Variants in INTS10 observed in about 807,000 individuals in gnomAD.
INTS10 encodes chromosome 8 open reading frame 35.
Under a neutral mutation model 94.4 loss-of-function variants are expected in INTS10, and 44 were observed. That is an observed-to-expected ratio of 0.47 (90% CI 0.37 to 0.60). The LOEUF (loss-of-function observed/expected upper bound fraction) is 0.60, where lower values mean the gene tolerates loss of function less well. Among genes scored for constraint, INTS10 ranks in the 20% least tolerant of loss-of-function variants. The pLI is 0.00. For synonymous variants in INTS10, 341 were observed against 320.7 expected, an observed-to-expected ratio of 1.06 and a Z score of -0.68; for missense variants, 797 against 868.7, an observed-to-expected ratio of 0.92 and a Z score of 1.04.
chr8:19,833,406 G>A (rs368365603), intron 12 of INTS10, 85 bp downstream of exon 12: 3 of 943,350 alleles, frequency 3.2e-6, no homozygotes, highest in Non-Finnish European at 4.4e-6. Flanking sequence ...TTTTCATTCA[G>A]TGCACGTTTA....
rs772125641 is a variant in INTS10, at chr8:19,851,657, C to A, written c.1985C>A (p.Thr662Asn). 1 of 1,614,082 alleles carries A rather than the reference C, an allele frequency of 6.2e-7. No individual in the cohort carries two copies. Residue 662 changes from threonine to asparagine, a missense_variant, in exon 17 of 17, where the codon ACT (threonine) becomes AAT (asparagine). By Grantham distance (65) the Thr-to-Asn change is moderately conservative. This residue lies in a region of INTS10 where 16 missense variants were observed against 39.1 expected (regional missense o/e 0.41). Transcript: ENST00000397977. This position sits in a 1 kb window ranked among gnomAD's most constrained non-coding sequence, Gnocchi z 5.0. Reference sequence around the variant, plus strand: ...CCTATTGCTGACCTCAGGCACCACACTGTAACTCGAGGCATCACCAAAGGC... The same window carrying A: ...CCTATTGCTGACCTCAGGCACCACAATGTAACTCGAGGCATCACCAAAGGC... ...PNQGMLIKHHTVTRGITKGVK... is the reference protein window; with the variant it reads ...PNQGMLIKHHNVTRGITKGVK...
intron 9 of INTS10, among the ~76,000 whole-genome samples, chr8:19,829,048 G>T (rs150996769): frequency 8.7e-4 from 133 of 152,268 alleles, no homozygotes; most frequent in African/African-American, 3.1e-3. Flanking sequence ...AGCTTCCTGC[G>T]CACCTTACCT....
intron 16 of INTS10, among the ~76,000 whole-genome samples, chr8:19,850,375 CAAA>C (rs2068931306): frequency 6.6e-6 from 1 of 152,152 alleles, no homozygotes; most frequent in Non-Finnish European, 1.5e-5. Flanking sequence ...GAGATAGTCA[CAAA>C]GAAGTGTGCA....
At chr8:19,818,400 TTC>T (rs779465361) in intron 2 of INTS10, 58 bp downstream of exon 2, 2 of 1,549,202 alleles carry the variant, frequency 1.3e-6, no homozygotes, top group Non-Finnish European at 1.8e-6. Context: ...GAGGTTTTGT[TTC>T]TCTCTGCAGA....
At chr8:19,824,129 A>G (rs2066608651) in intron 7 of INTS10, 85 bp downstream of exon 7, 1 of 1,224,226 alleles carries the variant, frequency 8.2e-7, no homozygotes, top group South Asian at 1.6e-5. Flanking sequence ...AATCTGTGTA[A>G]TGCGTAGGTA....
chr8:19,839,792 G>A (rs1024521502), intron 13 of INTS10, among the ~76,000 whole-genome samples: 2 of 152,158 alleles, frequency 1.3e-5, no homozygotes, highest in Non-Finnish European at 2.9e-5. Flanking sequence ...GCTGGGCGCA[G>A]TGGCTCACAC....
rs193214338 is a variant in INTS10, at chr8:19,832,799, A to G, written c.1378-370A>G. On this transcript the variant is annotated intron_variant, in intron 11 of 16. Coordinates refer to ENST00000397977, the MANE Select transcript of INTS10 (RefSeq NM_018142.4). ...AATTCACGAATGAGGTGGTGTCGGA[A>G]TGGGCAGGTTGCTGCTTCCATCCTT... 2.3e-3 allele frequency among the ~76,000 whole-genome samples: 346 copies of G among 152,340 alleles called. 3 individuals carry two copies. The highest frequency in any genetic ancestry group is 7.8e-3 in the African/African-American group (325 of 41,580).
Position 19,830,468 on chromosome 8 carries a change from C to T in INTS10, c.1203C>T (p.Ala401=), listed in dbSNP as rs769555984. The change falls in exon 10 of 17, where the codon GCC becomes GCT. Residue 401 remains alanine, a synonymous_variant. Transcript: ENST00000397977. The part of the protein sequence containing the change: ...GRNRHIVVNK[A]ELANSTEVLE... ...ATCGTCACATTGTAGTCAATAAAGC[C>T]GAACTTGCTAACTCCACTGAAGTGT... 244 of 1,613,842 alleles carry T rather than the reference C, an allele frequency of 1.5e-4. No individual in the cohort carries two copies. The highest frequency in any genetic ancestry group is 1.9e-4 in the Non-Finnish European group (226 of 1,179,892).
intron 4 of INTS10, 56 bp from the exon 5 acceptor site, chr8:19,822,383 A>G: frequency 9.9e-7 from 1 of 1,011,296 alleles, no homozygotes; most frequent in East Asian, 2.4e-5. Context: ...TACTTCATAT[A>G]GTTCTGACAA....
At position 19,842,905 on chromosome 8, in the gene INTS10, A is replaced by G. The variant is rs777879811; in HGVS notation, c.1697A>G (p.His566Arg). The G allele has an allele frequency of 1.1e-5, 18 of 1,611,346 alleles. No homozygotes were observed. Among genetic ancestry groups the G allele is most frequent in the Non-Finnish European group, 1.4e-5 (17 of 1,177,696 alleles). The change falls in exon 14 of 17, where the codon CAT (histidine) becomes CGT (arginine). Residue 566 changes from histidine (H) to arginine (R), a missense_variant. Around this residue, in one of 3 missense-constraint regions of INTS10, gnomAD observed 734 missense variants for 787.8 expected, o/e 0.93. Transcript: ENST00000397977. ...AAGGCTATCATGCCATACTGCCTCC[A>G]TTTAATGTTAGCCTGTTTTAAGGTA... Reference protein sequence around the residue: ...TSKAIMPYCLHLMLACFKLRA... With the variant: ...TSKAIMPYCLRLMLACFKLRA...
intron 11 of INTS10, 136 bp downstream of exon 11, chr8:19,832,246 G>A (rs2067288224): frequency 1.6e-6 from 1 of 622,128 alleles, no homozygotes; most frequent in East Asian, 2.8e-5. Flanking sequence ...TCTGTTTTCA[G>A]TGGCTGAGGG....
At chr8:19,822,961 A>AAT (rs1303173583) in intron 5 of INTS10, among the ~76,000 whole-genome samples, 2 of 151,752 alleles carry the variant, frequency 1.3e-5, no homozygotes, top group Non-Finnish European at 2.9e-5. Flanking sequence ...AAAAAAAAAA[A>AAT]GCATTTTAAA....
intron 9 of INTS10, among the ~76,000 whole-genome samples, chr8:19,828,622 C>G (rs1373378000): frequency 6.6e-6 from 1 of 152,126 alleles, no homozygotes; most frequent in Non-Finnish European, 1.5e-5. Context: ...AGCTGCAGCA[C>G]TAGCAGACGC....
At chr8:19,834,791 A>T (rs2067516668) in intron 12 of INTS10, among the ~76,000 whole-genome samples, 1 of 152,068 alleles carries the variant, frequency 6.6e-6, no homozygotes, top group Admixed American at 6.6e-5. Flanking sequence ...AATACCATAA[A>T]GTGGGAGGCT....
chr8:19,820,342 G>A (rs372146231), intron 3 of INTS10, 37 bp from the exon 4 acceptor site: 30 of 1,580,188 alleles, frequency 1.9e-5, no homozygotes, highest in African/African-American at 6.7e-5. Context: ...TTTTCTGTCC[G>A]CAAGAAACTT....
At position 19,851,075 on chromosome 8, in the gene INTS10, G is replaced by A. The variant is rs1008882009; in HGVS notation, c.1977-574G>A. Among the ~76,000 whole-genome samples, 1 of 152,310 alleles carries A rather than the reference G, an allele frequency of 6.6e-6. No homozygotes were observed. The highest frequency in any genetic ancestry group is 1.9e-4 in the East Asian group (1 of 5,184). Reference sequence around the variant, plus strand: ...CTTCAACATATGAGAGTCTAGATGGGCACAGCATTTAGAGGAGCTGCCCTA... The same window carrying A: ...CTTCAACATATGAGAGTCTAGATGGACACAGCATTTAGAGGAGCTGCCCTA... On this transcript the variant is annotated intron_variant, in intron 16 of 16. Transcript: ENST00000397977. This position sits in a 1 kb window ranked among gnomAD's most constrained non-coding sequence, Gnocchi z 5.0.
intron 13 of INTS10, among the ~76,000 whole-genome samples, chr8:19,839,122 A>G (rs1349523353): frequency 6.6e-6 from 1 of 152,126 alleles, no homozygotes; most frequent in Non-Finnish European, 1.5e-5. Context: ...CCATTAGCAG[A>G]CAGAAGGAGA....
In INTS10 at chr8:19,817,490, C is replaced by A; in HGVS notation, c.-48C>A. 6.3e-7 allele frequency: 1 copy of A among 1,582,146 alleles called. No individual in the cohort carries two copies. Among genetic ancestry groups the A allele is most frequent in the Non-Finnish European group, 8.6e-7 (1 of 1,167,162 alleles). On this transcript the variant is annotated 5_prime_UTR_variant, in exon 1 of 17. Coordinates refer to ENST00000397977, the MANE Select transcript of INTS10 (RefSeq NM_018142.4). ...TGCCGTGGCGGCTGAGAGTCCAGAGCCGGACGTTCCGGCCGCTTCGGGCTG... is the reference window on the plus strand; with the variant it reads ...TGCCGTGGCGGCTGAGAGTCCAGAGACGGACGTTCCGGCCGCTTCGGGCTG...
chr8:19,832,073 G>A lies in INTS10; in HGVS notation c.1340G>A (p.Trp447Ter), dbSNP rs2067270945. 1 of 1,606,088 alleles carries A rather than the reference G, an allele frequency of 6.2e-7. No individual in the cohort carries two copies. Among genetic ancestry groups the A allele is most frequent in the Non-Finnish European group, 8.5e-7 (1 of 1,172,726 alleles). The change falls in exon 11 of 17, where the codon TGG (tryptophan) becomes TAG (stop). Residue 447 changes from tryptophan (W) to a stop codon, truncating the protein, a stop_gained. Transcript: ENST00000397977. LOFTEE classifies it high-confidence loss of function. The part of the protein sequence containing the change: ...CLAWKTDTWL[W>*]LRIFLTDMII... ...GCCTGGAAGACGGATACTTGGCTTT[G>A]GTTAAGAATCTTCCTCACTGATATG...
Sources: gnomAD v4.1 joint callset for allele counts (sites outside exome capture counted in the v4.1 genomes callset) on GRCh38, gnomAD v4.1.1 for gene constraint, gnomAD v4.1.1 regional missense constraint, Gnocchi (gnomAD v3.1) non-coding constraint, MANE v1.5 for transcripts, NCBI Gene and HGNC (gene_info 2026-07-23, HGNC 2026-07-21) for gene names.